DTNB: variants seen among roughly 807,000 people sequenced by gnomAD.
DTNB encodes dystrobrevin beta.
DTNB carries 63 observed loss-of-function variants against 90.7 expected under a neutral mutation model. That is an observed-to-expected ratio of 0.69 (90% CI 0.57 to 0.86). DTNB has a LOEUF of 0.86. Ranked by LOEUF, DTNB falls within the 40% of genes least tolerant of loss-of-function variation. The pLI is 0.00. For synonymous variants in DTNB, 277 were observed against 286.7 expected (o/e 0.97, Z 0.34); for missense variants, 744 against 807.1 (o/e 0.92, Z 0.95).
chr2:25,562,398 C>A (rs1294949608), intron 8 of DTNB, among the ~76,000 whole-genome samples: 1 of 152,196 alleles, frequency 6.6e-6, no homozygotes, highest in South Asian at 2.1e-4. Flanking sequence ...CATTCACATA[C>A]AAGTTTTTGT....
rs181833023 is a variant in DTNB, at chr2:25,520,682, C to T, written c.1001+10791G>A. Among the ~76,000 whole-genome samples, 22 of 152,040 alleles carry T rather than the reference C, an allele frequency of 1.4e-4. No homozygotes were observed. In the East Asian group the frequency reaches 2.7e-3, roughly 19 times the overall value. ...AAAAGTTCATAAGCACTGATAGCAC[C>T]GATACTTAAAGCATAATTGTCTAAA... is the stretch of plus-strand genomic sequence containing the variant. On this transcript the variant is annotated intron_variant, in intron 9 of 20. Transcript: ENST00000406818.
At chr2:25,659,586 A>T (rs1438438911) in intron 1 of DTNB, among the ~76,000 whole-genome samples, 1 of 152,224 alleles carries the variant, frequency 6.6e-6, no homozygotes, top group Admixed American at 6.5e-5. Context: ...AGAACACATG[A>T]ACATTAAAAG....
At chr2:25,518,172 A>G (rs62128550) in intron 9 of DTNB, among the ~76,000 whole-genome samples, 9,142 of 151,470 alleles carry the variant, frequency 0.06, 501 homozygotes, top group Admixed American at 0.18. Context: ...CCGTACACTT[A>G]AAAGAATTAA....
At chr2:25,389,402 C>T (rs1024478356) in intron 16 of DTNB, among the ~76,000 whole-genome samples, 16 of 152,220 alleles carry the variant, frequency 1.1e-4, no homozygotes, top group Admixed American at 3.3e-4. Context: ...CAAGGCTGTC[C>T]GGGGCCACCC....
At chr2:25,408,593 G>A (rs1022408565) in intron 16 of DTNB, among the ~76,000 whole-genome samples, 4 of 140,982 alleles carry the variant, frequency 2.8e-5, no homozygotes, top group Non-Finnish European at 6.1e-5. Context: ...TAACTTCATT[G>A]CCTATAATTT....
chr2:25,518,053 G>C (rs752687583), intron 9 of DTNB, among the ~76,000 whole-genome samples: 2 of 152,088 alleles, frequency 1.3e-5, no homozygotes, highest in Non-Finnish European at 1.5e-5. Context: ...GTGGTCACAG[G>C]GGGTGGAGGG....
At chr2:25,618,137 A>C (rs950078238) in intron 4 of DTNB, among the ~76,000 whole-genome samples, 5 of 152,146 alleles carry the variant, frequency 3.3e-5, no homozygotes, top group Admixed American at 3.3e-4. Context: ...GAAACCCCTC[A>C]GTCTACTTTA....
intron 1 of DTNB, among the ~76,000 whole-genome samples, chr2:25,662,155 CAA>C (rs58702026): frequency 0.52 from 68,648 of 131,392 alleles, 16,504 homozygotes; most frequent in East Asian, 0.79. Context: ...GACTCCGTCT[CAA>C]AAAAAAAAAA....
intron 9 of DTNB, among the ~76,000 whole-genome samples, chr2:25,510,838 T>G (rs1009494072): frequency 3.3e-5 from 5 of 152,198 alleles, no homozygotes; most frequent in African/African-American, 1.2e-4. Flanking sequence ...GAATTTATGT[T>G]TGCTTCTGAC....
chr2:25,406,230 G>A (rs987862552), intron 16 of DTNB, among the ~76,000 whole-genome samples: 2 of 152,090 alleles, frequency 1.3e-5, no homozygotes, highest in African/African-American at 4.8e-5. Context: ...TCAGAGCAGG[G>A]CTTCCAATTA....
intron 9 of DTNB, among the ~76,000 whole-genome samples, chr2:25,525,536 T>TGAGGCAGGAGAATCGCTTG (rs1278194758): frequency 6.6e-6 from 1 of 151,730 alleles, no homozygotes; most frequent in Admixed American, 6.6e-5. Flanking sequence ...CTCGGGAGGC[T>TGAGGCAGGAGAATCGCTTG]GAGGCAGGAG....
chr2:25,414,416 G>A (rs563038270), intron 16 of DTNB, among the ~76,000 whole-genome samples: 25 of 152,064 alleles, frequency 1.6e-4, no homozygotes, highest in Non-Finnish European at 1.2e-4. Flanking sequence ...AACCACGCCC[G>A]GCTAATTTTT....
chr2:25,545,143 TCTAA>T (rs1437456777), intron 8 of DTNB, among the ~76,000 whole-genome samples: 15 of 152,352 alleles, frequency 9.8e-5, no homozygotes, highest in East Asian at 5.8e-4. Context: ...TTGAACAGTC[TCTAA>T]CTTTCTATTT....
chr2:25,546,576 G>C (rs894468118), intron 8 of DTNB, among the ~76,000 whole-genome samples: 3 of 152,042 alleles, frequency 2.0e-5, no homozygotes, highest in African/African-American at 7.2e-5. Flanking sequence ...TACTTCATGG[G>C]GGCACTAAAC....
chr2:25,658,819 A>G (rs937772425), intron 1 of DTNB, among the ~76,000 whole-genome samples: 1 of 152,226 alleles, frequency 6.6e-6, no homozygotes, highest in African/African-American at 2.4e-5. Context: ...GCAGAGAAAT[A>G]TTCTGTATGA....
At chr2:25,583,707 G>A (rs951836432) in intron 6 of DTNB, among the ~76,000 whole-genome samples, 6 of 151,948 alleles carry the variant, frequency 3.9e-5, no homozygotes, top group African/African-American at 1.4e-4. Flanking sequence ...TTTTTAGTAA[G>A]ATGGGATTTC....
intron 5 of DTNB, among the ~76,000 whole-genome samples, chr2:25,599,493 C>T (rs1011751232): frequency 4.6e-5 from 7 of 152,052 alleles, no homozygotes; most frequent in African/African-American, 1.7e-4. Flanking sequence ...AGGCGCCCGC[C>T]ACCATGCCCA....
chr2:25,422,813 GTAAT>G (rs2050212242), intron 15 of DTNB, among the ~76,000 whole-genome samples: 5 of 152,170 alleles, frequency 3.3e-5, no homozygotes, highest in Admixed American at 3.3e-4. Flanking sequence ...TTTGAGGTCA[GTAAT>G]TAATTAATAC....
intron 12 of DTNB, among the ~76,000 whole-genome samples, chr2:25,435,943 T>C (rs937707053): frequency 6.6e-6 from 1 of 152,264 alleles, no homozygotes. Flanking sequence ...TTGAGCGTAC[T>C]TTCATGTGCT....
Sources: gnomAD v4.1 joint callset for allele counts (sites outside exome capture counted in the v4.1 genomes callset) on GRCh38, gnomAD v4.1.1 for gene constraint, MANE v1.5 for transcripts, NCBI Gene and HGNC (gene_info 2026-07-23, HGNC 2026-07-21) for gene names.